EAF2: variants seen among roughly 807,000 people sequenced by gnomAD.
EAF2 encodes ELL associated factor 2.
A neutral mutation model predicts 29.4 loss-of-function variants in EAF2; 29 were observed. That is an observed-to-expected ratio of 0.99 (90% CI 0.73 to 1.35). EAF2 has a LOEUF of 1.35. Ranked by LOEUF, EAF2 falls within the 40% of genes most tolerant of loss-of-function variation. The pLI is 0.00. For synonymous variants in EAF2, 103 were observed against 102.5 expected (o/e 1.00, Z -0.03); for missense variants, 292 against 312.0 (o/e 0.94, Z 0.48).
In EAF2 at chr3:121,858,197, G is replaced by A. The variant is rs1221549566; in HGVS notation, c.484+1041G>A. ...CGGGTATATACCCAGTAATGGGATG[G>A]CTGGGTCAAATGGTATTTCTAGTTC... is the stretch of plus-strand genomic sequence containing the variant. On this transcript the variant is annotated intron_variant, in intron 4 of 5. Transcript: ENST00000273668. 4.6e-5 allele frequency among the ~76,000 whole-genome samples: 7 copies of A among 152,322 alleles called. No homozygotes were observed. In the South Asian group the frequency reaches 1.2e-3, roughly 27 times the overall value.
chr3:121,851,038 A>C (rs144450602), intron 2 of EAF2, among the ~76,000 whole-genome samples: 18 of 152,228 alleles, frequency 1.2e-4, no homozygotes, highest in Non-Finnish European at 2.4e-4. Context: ...AGTATATATA[A>C]ATAGCCAGAT....
intron 1 of EAF2, among the ~76,000 whole-genome samples, chr3:121,840,320 G>A (rs142191523): frequency 1.3e-5 from 2 of 149,862 alleles, no homozygotes; most frequent in African/African-American, 4.9e-5. Context: ...GAGAAAGCCC[G>A]TTTCTACTAA....
At chr3:121,883,448 A>C (rs981665684) in intron 5 of EAF2, among the ~76,000 whole-genome samples, 1 of 152,244 alleles carries the variant, frequency 6.6e-6, no homozygotes, top group Admixed American at 6.5e-5. Flanking sequence ...GCATACTTGT[A>C]AGTTTCAATT....
chr3:121,875,787 A>G (rs1445396554), intron 5 of EAF2, among the ~76,000 whole-genome samples: 2 of 151,838 alleles, frequency 1.3e-5, no homozygotes, highest in Non-Finnish European at 2.9e-5. Flanking sequence ...AATAAATTAG[A>G]CTGGTCATTG....
At chr3:121,869,610 T>A (rs1708977752) in intron 4 of EAF2, among the ~76,000 whole-genome samples, 2 of 152,116 alleles carry the variant, frequency 1.3e-5, no homozygotes, top group South Asian at 4.1e-4. Context: ...GGTGTGGTGG[T>A]TCACACCTGT....
chr3:121,881,797 C>G (rs1218494244), intron 5 of EAF2, among the ~76,000 whole-genome samples: 1 of 152,004 alleles, frequency 6.6e-6, no homozygotes, highest in Non-Finnish European at 1.5e-5. Flanking sequence ...AGGTGTGAGC[C>G]AATGCACCCA....
intron 2 of EAF2, among the ~76,000 whole-genome samples, chr3:121,850,487 CT>C (rs1708612082): frequency 6.6e-6 from 1 of 151,738 alleles, no homozygotes; most frequent in South Asian, 2.1e-4. Flanking sequence ...CATTATTTTC[CT>C]ACCTCTATCA....
chr3:121,836,274 TC>T (rs1708279092), intron 1 of EAF2: 1 of 152,254 alleles, frequency 6.6e-6, no homozygotes, highest in African/African-American at 2.4e-5. Context: ...TTTTTTCACT[TC>T]CTTTCCCCAG....
At chr3:121,836,731 AT>A in intron 1 of EAF2, 1 of 987,628 alleles carries the variant, frequency 1.0e-6, no homozygotes, top group Non-Finnish European at 1.2e-6. Context: ...ATGCGTCTTT[AT>A]CTGGTTTTTC....
intron 5 of EAF2, among the ~76,000 whole-genome samples, chr3:121,876,370 A>T (rs898444175): frequency 2.0e-5 from 3 of 151,898 alleles, no homozygotes; most frequent in Admixed American, 6.6e-5. Flanking sequence ...TAGCAAATGT[A>T]TTATTAACAG....
At chr3:121,871,929 AT>A (rs966784758) in intron 4 of EAF2, among the ~76,000 whole-genome samples, 1 of 151,842 alleles carries the variant, frequency 6.6e-6, no homozygotes, top group African/African-American at 2.4e-5. Flanking sequence ...CCCAACTATA[AT>A]TTTTTTGTGT....
chr3:121,878,328 G>A (rs939350158), intron 5 of EAF2, among the ~76,000 whole-genome samples: 1 of 152,086 alleles, frequency 6.6e-6, no homozygotes, highest in African/African-American at 2.4e-5. Flanking sequence ...TTTGATACCA[G>A]CATACAATGT....
At chr3:121,884,851 G>C (rs937189908) in intron 5 of EAF2, among the ~76,000 whole-genome samples, 25 of 152,262 alleles carry the variant, frequency 1.6e-4, no homozygotes, top group Middle Eastern at 3.4e-3. Context: ...TTCAAAACAT[G>C]CCAGCTTTTT....
intron 1 of EAF2, among the ~76,000 whole-genome samples, chr3:121,843,444 T>C (rs901201922): frequency 1.3e-5 from 2 of 152,150 alleles, no homozygotes; most frequent in Non-Finnish European, 2.9e-5. Flanking sequence ...GGGTAATAAC[T>C]GGGAGGGGGC....
chr3:121,875,220 G>A (rs1709075625), intron 5 of EAF2, among the ~76,000 whole-genome samples: 1 of 151,758 alleles, frequency 6.6e-6, no homozygotes, highest in Non-Finnish European at 1.5e-5. Context: ...GTTGATAGAG[G>A]TGGGGATAAA....
Position 121,872,785 on chromosome 3 carries a change from T to C in EAF2, c.733T>C (p.Leu245=), listed in dbSNP as rs773466387. The C allele has an allele frequency of 2.5e-6, 4 of 1,608,980 alleles. No homozygotes were observed. Among genetic ancestry groups the C allele is most frequent in the Non-Finnish European group, 3.4e-6 (4 of 1,177,168 alleles). ...CAACAGTGGCCTTCTGATGAATACT[T>C]TAAGTAAGTATACATAAACACAGGC... is the stretch of plus-strand genomic sequence containing the variant. ...RDNSGLLMNT[L]RNDLQLSESG... is the part of the protein sequence containing the mutation. Residue 245 remains leucine (L), a synonymous_variant, in exon 5 of 6, where the codon TTA becomes CTA. Coordinates refer to ENST00000273668, the MANE Select transcript of EAF2 (RefSeq NM_018456.6).
intron 1 of EAF2, among the ~76,000 whole-genome samples, chr3:121,843,590 C>T (rs1320641635): frequency 3.3e-5 from 5 of 152,060 alleles, no homozygotes; most frequent in Admixed American, 6.5e-5. Flanking sequence ...ATATATAACA[C>T]AGGGAACTAT....
chr3:121,841,397 CA>C (rs1162180289), intron 1 of EAF2, among the ~76,000 whole-genome samples: 3 of 150,432 alleles, frequency 2.0e-5, no homozygotes, highest in Non-Finnish European at 4.4e-5. Flanking sequence ...CTCAGCTACT[CA>C]GGAGGCTGAG....
intron 2 of EAF2, among the ~76,000 whole-genome samples, chr3:121,853,598 C>T (rs1708669494): frequency 6.6e-6 from 1 of 152,140 alleles, no homozygotes; most frequent in South Asian, 2.1e-4. Flanking sequence ...ACCTGGCTCT[C>T]TTCTCTTTTT....
Sources: gnomAD v4.1 joint callset for allele counts (sites outside exome capture counted in the v4.1 genomes callset) on GRCh38, gnomAD v4.1.1 for gene constraint, MANE v1.5 for transcripts, NCBI Gene and HGNC (gene_info 2026-07-23, HGNC 2026-07-21) for gene names.